Variants in NTN4 observed in about 807,000 individuals in gnomAD.
NTN4 encodes netrin-4.
Under a neutral mutation model 73.6 loss-of-function variants are expected in NTN4, and 32 were observed. The ratio of observed to expected loss-of-function variants is 0.44; its 90% confidence interval spans 0.33 to 0.58. NTN4 has a LOEUF of 0.58. Ranked by LOEUF, NTN4 falls within the 20% of genes least tolerant of loss-of-function variation. NTN4 has a pLI of 0.04. For missense variants in NTN4, 654 were observed against 798.3 expected, an observed-to-expected ratio of 0.82 and a Z score of 2.18; for synonymous variants, 258 against 287.5, an observed-to-expected ratio of 0.90 and a Z score of 1.04.
rs11326708 is a variant in NTN4 at position 95,764,676 on chromosome 12, C to CA, written c.585+22262dup. Among the ~76,000 whole-genome samples, 380 of 98,808 alleles carry CA rather than the reference C, an allele frequency of 3.8e-3. 1 individual carries two copies. Among genetic ancestry groups the CA allele is most frequent in the African/African-American group, 0.011 (277 of 25,818 alleles). The allele number at this position is 98,808 out of a possible 152,430, so 64.8% of individuals were successfully genotyped here. A position where few individuals can be genotyped will look rare whatever the true frequency, so the allele number is the denominator to read the frequency against. On this transcript the variant is annotated intron_variant, in intron 2 of 9. Coordinates refer to ENST00000343702, the MANE Select transcript of NTN4 (RefSeq NM_021229.4). ...CGAGACTCCATCCCCCCGCCCCGAC[C>CA]AAAAAAAAAAAAAAAAAGCTAAAAA...
rs149336531 is a variant in NTN4 at position 95,784,816 on chromosome 12, A to G, written c.585+2123T>C. ...ACAACTACAATTAAAAACACTTATG[A>G]ACTAGGTTTAGAAGGTATCTGTACA... On this transcript the variant is annotated intron_variant, in intron 2 of 9. Transcript: ENST00000343702. Among the ~76,000 whole-genome samples the G allele has an allele frequency of 6.1e-3, 932 of 152,304 alleles. 5 individuals carry two copies. Among genetic ancestry groups the G allele is most frequent in the Admixed American group, 9.3e-3 (142 of 15,296 alleles).
chr12:95,676,596 C>T (rs2078275178), intron 7 of NTN4, among the ~76,000 whole-genome samples: 1 of 151,726 alleles, frequency 6.6e-6, no homozygotes, highest in Non-Finnish European at 1.5e-5. Context: ...AATGTATAAC[C>T]TTAAGAGTAC....
chr12:95,761,924 C>T lies in NTN4; in HGVS notation c.586-23780G>A, dbSNP rs140291850. Among the ~76,000 whole-genome samples the T allele has an allele frequency of 8.5e-3, 1,299 of 152,092 alleles. 23 individuals carry two copies. The highest frequency in any genetic ancestry group is 0.03 in the African/African-American group (1,228 of 41,494). ...TGGCAAAAGCTTTTAGCCATTTTTG[C>T]CTGTTTAAGTCATTAAAATTATTTT... On this transcript the variant is annotated intron_variant, in intron 2 of 9. Transcript: ENST00000343702.
At chr12:95,686,225 T>C (rs1000281670) in intron 5 of NTN4, among the ~76,000 whole-genome samples, 6 of 152,170 alleles carry the variant, frequency 3.9e-5, no homozygotes, top group Non-Finnish European at 8.8e-5. Context: ...CCTATGTTTA[T>C]CTGAGAAATG....
At position 95,738,117 on chromosome 12, in the gene NTN4, A is replaced by ATGG. The variant is rs746973913; in HGVS notation, c.610_612dup (p.Pro204dup). 1 of 1,613,788 alleles carries ATGG rather than the reference A, an allele frequency of 6.2e-7. No homozygotes were observed. The highest frequency in any genetic ancestry group is 8.5e-7 in the Non-Finnish European group (1 of 1,179,788). ...GCACTGTAAGGGTTCTCTGTATCGTATGGTGGTGACAAAGCTTTGAAAATA... is the reference window on the plus strand; with the variant it reads ...GCACTGTAAGGGTTCTCTGTATCGTATGGTGGTGGTGACAAAGCTTTGAAAATA... On this transcript the variant is annotated inframe_insertion, in exon 3 of 10. Transcript: ENST00000343702.
At chr12:95,703,629 C>G (rs559292821) in intron 5 of NTN4, among the ~76,000 whole-genome samples, 23 of 152,272 alleles carry the variant, frequency 1.5e-4, no homozygotes, top group African/African-American at 5.3e-4. Context: ...AAGGCCATAG[C>G]AAAATTTCCC....
At chr12:95,773,279 T>A (rs531258515) in intron 2 of NTN4, among the ~76,000 whole-genome samples, 1 of 152,270 alleles carries the variant, frequency 6.6e-6, no homozygotes, top group East Asian at 1.9e-4. Flanking sequence ...GCTAGGATTA[T>A]AGGCATGAGC....
intron 5 of NTN4, among the ~76,000 whole-genome samples, chr12:95,695,923 CCTCTTTTCTTTT>C (rs1247592457): frequency 2.0e-5 from 3 of 151,430 alleles, no homozygotes; most frequent in Non-Finnish European, 4.4e-5. Context: ...TCCCTCCCTC[CCTCTTTTCTTTT>C]CTCTTTTCTT....
At chr12:95,759,502 T>TTG (rs1164611877) in intron 2 of NTN4, among the ~76,000 whole-genome samples, 1 of 151,288 alleles carries the variant, frequency 6.6e-6, no homozygotes, top group African/African-American at 2.4e-5. Context: ...TTTTTTTTTT[T>TTG]TTTTGAGATG....
At chr12:95,748,821 T>C (rs995049685) in intron 2 of NTN4, among the ~76,000 whole-genome samples, 2 of 152,202 alleles carry the variant, frequency 1.3e-5, no homozygotes, top group African/African-American at 2.4e-5. Context: ...CTAAGCCTGG[T>C]TGGAATAGGA....
In NTN4 at chr12:95,787,023, T is replaced by C. The variant is rs1208106023; in HGVS notation, c.501A>G (p.Thr167=). The C allele has an allele frequency of 1.2e-6, 2 of 1,614,028 alleles. No individual in the cohort carries two copies. The highest frequency in any genetic ancestry group is 1.7e-6 in the Non-Finnish European group (2 of 1,180,024). ...TGACAACATCATCTTCCAGGCCAAA[T>C]GTAGCGGAGCAGTTAGTCGCAAAGT... ...YKYFATNCSA[T]FGLEDDVVKK... is the part of the protein sequence containing the mutation. Residue 167 remains threonine, a synonymous_variant, in exon 2 of 10, where the codon ACA becomes ACG. Transcript: ENST00000343702.
At chr12:95,758,362 T>C (rs1379354409) in intron 2 of NTN4, among the ~76,000 whole-genome samples, 1 of 152,220 alleles carries the variant, frequency 6.6e-6, no homozygotes, top group Non-Finnish European at 1.5e-5. Flanking sequence ...GTGTTTGACA[T>C]GCATCCTCTT....
At chr12:95,763,968 T>A (rs1318053607) in intron 2 of NTN4, among the ~76,000 whole-genome samples, 2 of 152,366 alleles carry the variant, frequency 1.3e-5, no homozygotes, top group African/African-American at 4.8e-5. Context: ...GTCATTATTT[T>A]GGGAGGTGAG....
At chr12:95,662,209 T>G (rs1420991948) in intron 9 of NTN4, among the ~76,000 whole-genome samples, 1 of 67,884 alleles carries the variant, frequency 1.5e-5, no homozygotes, top group Non-Finnish European at 2.8e-5. Flanking sequence ...TTCCCTCCCC[T>G]CTCCTTCTGT....
chr12:95,683,664 C>G lies in NTN4; in HGVS notation c.1228G>C (p.Val410Leu). ...CCATTGCTGGGGTCGCAGAAGGTCA[C>G]TGAGTTGGCAGGAAGGACAGCTGAT... ...VGSAVLPANSVTFCDPSNGDC... is the reference protein window; with the variant it reads ...VGSAVLPANSLTFCDPSNGDC... The change falls in exon 6 of 10, where the codon GTG becomes CTG. Residue 410 changes from valine to leucine, a missense_variant. Transcript: ENST00000343702. 2 of 1,613,730 alleles carry G rather than the reference C, an allele frequency of 1.2e-6. No homozygotes were observed. The highest frequency in any genetic ancestry group is 1.7e-6 in the Non-Finnish European group (2 of 1,179,832).
chr12:95,751,395 C>G (rs1443115222), intron 2 of NTN4, among the ~76,000 whole-genome samples: 3 of 152,240 alleles, frequency 2.0e-5, no homozygotes, highest in Admixed American at 6.5e-5. Flanking sequence ...TTCCAAACGC[C>G]TGAACCGCAG....
At chr12:95,687,692 C>T (rs1464718992) in intron 5 of NTN4, among the ~76,000 whole-genome samples, 1 of 152,090 alleles carries the variant, frequency 6.6e-6, no homozygotes, top group Non-Finnish European at 1.5e-5. Flanking sequence ...TGAGCCACCA[C>T]GCCCAGCCAC....
chr12:95,725,250 T>A (rs180674851), intron 3 of NTN4, among the ~76,000 whole-genome samples: 35 of 152,250 alleles, frequency 2.3e-4, no homozygotes, highest in Admixed American at 1.1e-3. Flanking sequence ...CGAGTAGAAC[T>A]AATTTTGTAA....
At chr12:95,788,070 A>G (rs942327126) in intron 1 of NTN4, among the ~76,000 whole-genome samples, 5 of 152,198 alleles carry the variant, frequency 3.3e-5, no homozygotes, top group Non-Finnish European at 7.4e-5. Context: ...TAAATATACA[A>G]TGGGTCCTCA....
Sources: gnomAD v4.1 joint callset for allele counts (sites outside exome capture counted in the v4.1 genomes callset) on GRCh38, gnomAD v4.1.1 for gene constraint, MANE v1.5 for transcripts, NCBI Gene and HGNC (gene_info 2026-07-23, HGNC 2026-07-21) for gene names.